The following DGKA variants were observed in gnomAD, a reference collection of about 807,000 sequenced individuals.
DGKA encodes the protein diacylglycerol kinase alpha.
In DGKA, 35 loss-of-function variants were observed where a neutral mutation model predicts 105.0. That is an observed-to-expected ratio of 0.33 (90% CI 0.25 to 0.44). DGKA has a LOEUF of 0.44. Among genes scored for constraint, DGKA ranks in the 20% least tolerant of loss-of-function variants. The pLI, the probability that DGKA is intolerant of heterozygous loss-of-function variation, is 1.00. For missense variants in DGKA, 665 were observed against 915.0 expected (o/e 0.73, Z 3.53); for synonymous variants, 296 against 332.0 (o/e 0.89, Z 1.18).
At chr12:55,927,926 G>T, upstream of DGKA, 2 of 848,656 alleles carry the variant, frequency 2.4e-6, no homozygotes, top group Non-Finnish European at 3.5e-6. Context: ...GGGTCAGAGG[G>T]CAGGGTGAAA....
At chr12:55,927,856 G>A (rs568414175), upstream of DGKA, 11 of 1,462,608 alleles carry the variant, frequency 7.5e-6, no homozygotes, top group East Asian at 5.0e-5. Flanking sequence ...AGTGATGAGG[G>A]CCCTAGTTGC....
At chr12:55,927,572 C>T, upstream of DGKA, 1 of 1,001,490 alleles carries the variant, frequency 1.0e-6, no homozygotes, top group East Asian at 2.6e-5. Context: ...CACTGGGGCG[C>T]ACAAGTGTTT....
chr12:55,938,205 C>G, intron 5 of DGKA, 153 bp downstream of exon 5: 1 of 741,548 alleles, frequency 1.3e-6, no homozygotes, highest in Non-Finnish European at 2.3e-6. Context: ...TGTGTTCTCC[C>G]AGACTATTTA....
At chr12:55,944,520 AG>A (rs527485781) in intron 17 of DGKA, among the ~76,000 whole-genome samples, 9 of 152,176 alleles carry the variant, frequency 5.9e-5, no homozygotes, top group Non-Finnish European at 1.3e-4. Context: ...AGGTTCGAAG[AG>A]GGGGGATTGA....
In DGKA at chr12:55,942,013, G is replaced by A. The variant is rs1289083015; in HGVS notation, c.1266G>A (p.Lys422=). The A allele has an allele frequency of 1.2e-6, 2 of 1,614,032 alleles. No homozygotes were observed. Among genetic ancestry groups the A allele is most frequent in the Non-Finnish European group, 1.7e-6 (2 of 1,180,034 alleles). The change falls in exon 16 of 24, where the codon AAG becomes AAA. Residue 422 remains lysine (K), a synonymous_variant. Transcript: ENST00000331886. ...TTTGTCTCAGGCTCCGATTATTCAA[G>A]GATGTTCCTGATAGCCGGATTTTGG... ...DGPEIGLRLF[K]DVPDSRILVC... is the part of the protein sequence containing the mutation.
Position 55,952,235 on chromosome 12 carries a change from TG to T in DGKA, c.1653-103del. 6.7e-7 allele frequency: 1 copy of T among 1,495,476 alleles called. No homozygotes were observed. Among genetic ancestry groups the T allele is most frequent in the Non-Finnish European group, 9.3e-7 (1 of 1,073,482 alleles). The allele number at this position is 1,495,476 out of a possible 1,614,324, so 92.6% of individuals were successfully genotyped here. A position where few individuals can be genotyped will look rare whatever the true frequency, so the allele number is the denominator to read the frequency against. Reference sequence around the variant, plus strand: ...CAACCAAAGCCACCCTTGTTCCCCATGGGACTAAAGTTAGGAGGTTGATGCC... The same window carrying T: ...CAACCAAAGCCACCCTTGTTCCCCATGGACTAAAGTTAGGAGGTTGATGCC... On this transcript the variant is annotated intron_variant, in intron 19 of 23. Transcript: ENST00000331886. This position sits in a 1 kb window ranked among gnomAD's most constrained non-coding sequence, Gnocchi z 5.1.
chr12:55,942,180 C>G lies in DGKA; in HGVS notation c.1343C>G (p.Ala448Gly), dbSNP rs780519928. 1 of 1,614,200 alleles carries G rather than the reference C, an allele frequency of 6.2e-7. No homozygotes were observed. Reference protein sequence around the residue: ...VGWILETIDKANLPVLPPVAV... With the variant: ...VGWILETIDKGNLPVLPPVAV... Reference sequence around the variant, plus strand: ...TCTTCACCTGCCTCCGCAGACAAAGCTAACTTGCCAGTTTTGCCTCCTGTT... The same window carrying G: ...TCTTCACCTGCCTCCGCAGACAAAGGTAACTTGCCAGTTTTGCCTCCTGTT... Residue 448 changes from alanine (A) to glycine (G), a missense_variant, in exon 17 of 24, where the codon GCT becomes GGT. Coordinates refer to ENST00000331886, the MANE Select transcript of DGKA (RefSeq NM_001345.5).
chr12:55,948,693 G>A lies in DGKA; in HGVS notation c.1427-2930G>A, dbSNP rs566471882. Among the ~76,000 whole-genome samples the A allele has an allele frequency of 4.6e-5, 7 of 150,632 alleles. No homozygotes were observed. The East Asian group carries it at 1.2e-3, about 25-fold the overall frequency. On this transcript the variant is annotated intron_variant, in intron 17 of 23. Transcript: ENST00000331886. Reference sequence around the variant, plus strand: ...CAGTGAGCCAGTGCACTCCAGCTTGGGCAAGAGAGCAAGATCCTGTCTCAA... The same window carrying A: ...CAGTGAGCCAGTGCACTCCAGCTTGAGCAAGAGAGCAAGATCCTGTCTCAA...
At chr12:55,927,843 C>T, upstream of DGKA, 1 of 1,501,418 alleles carries the variant, frequency 6.7e-7, no homozygotes, top group Non-Finnish European at 8.9e-7. Flanking sequence ...GATTCGGCGG[C>T]GAAGTGATGA....
At chr12:55,938,636 A>G (rs753045610) in intron 6 of DGKA, 76 bp downstream of exon 6, 530 of 1,610,178 alleles carry the variant, frequency 3.3e-4, no homozygotes, top group Admixed American at 5.3e-4. Context: ...CAACTCTTCC[A>G]GGGTCTTAAG....
chr12:55,929,307 G>A (rs1883263280), upstream of DGKA: 1 of 152,200 alleles, frequency 6.6e-6, no homozygotes, highest in Non-Finnish European at 1.5e-5. Flanking sequence ...TGAGAGTGTG[G>A]GATGAAGCCT....
intron 1 of DGKA, 35 bp from the exon 2 acceptor site, chr12:55,936,388 C>T (rs1332538332): frequency 6.8e-7 from 1 of 1,476,096 alleles, no homozygotes; most frequent in South Asian, 1.4e-5. Context: ...AGACAGCTGG[C>T]TCTTCCCACT....
rs1396426588 is a variant in DGKA, at chr12:55,937,110, T to C, written c.138+20T>C. 3 of 1,613,190 alleles carry C rather than the reference T, an allele frequency of 1.9e-6. No individual in the cohort carries two copies. Among genetic ancestry groups the C allele is most frequent in the East Asian group, 2.2e-5 (1 of 44,866 alleles). ...GGAGATGTGAGTGGCAGCTGGGAAA[T>C]CTTCTTCTTGATCAACTCTTCCCAT... On this transcript the variant is annotated intron_variant, in intron 3 of 23. Transcript: ENST00000331886.
chr12:55,940,363 A>C lies in DGKA; in HGVS notation c.848A>C (p.Asp283Ala), dbSNP rs543988861. ...GGAGGCTGTGAGTCCGGGCGCTGCG[A>C]CCGCTGTCAGAAAAAGATCCGGATC... Reference protein sequence around the residue: ...VRGGCESGRCDRCQKKIRIYH... With the variant: ...VRGGCESGRCARCQKKIRIYH... Residue 283 changes from aspartate to alanine, a missense_variant, in exon 11 of 24, where the codon GAC (aspartate) becomes GCC (alanine). Asp to Ala is a moderately radical substitution (Grantham distance 126). Transcript: ENST00000331886. This position sits in a 1 kb window ranked among gnomAD's most constrained non-coding sequence, Gnocchi z 4.3. The C allele has an allele frequency of 6.2e-7, 1 of 1,614,058 alleles. No individual in the cohort carries two copies. Among genetic ancestry groups the C allele is most frequent in the Admixed American group, 1.7e-5 (1 of 60,018 alleles).
chr12:55,953,140 G>A lies in DGKA; in HGVS notation c.2043G>A (p.Lys681=). Residue 681 remains lysine (K), a synonymous_variant, in exon 22 of 24, where the codon AAG becomes AAA. Transcript: ENST00000331886. The stretch of plus-strand genomic sequence containing the variant: ...AGAATGCTGGACGTCGGCTGGCCAA[G>A]TGCTCTGAGATCACCTTCCAGTAAG... ...KLKNAGRRLA[K]CSEITFHTTK... The A allele has an allele frequency of 6.2e-7, 1 of 1,614,118 alleles. No homozygotes were observed.
At chr12:55,937,365 T>C in intron 3 of DGKA, 43 bp from the exon 4 acceptor site, 1 of 1,602,932 alleles carries the variant, frequency 6.2e-7, no homozygotes, top group Non-Finnish European at 8.5e-7. Context: ...GCCCCAGCTC[T>C]GACCTTGCAG....
At chr12:55,928,564 G>A (rs1216759481), upstream of DGKA, among the ~76,000 whole-genome samples, 4 of 149,354 alleles carry the variant, frequency 2.7e-5, no homozygotes, top group South Asian at 8.5e-4. Flanking sequence ...TGTAATCTCA[G>A]CTACTCGGGA....
At position 55,932,851 on chromosome 12, in the gene DGKA, C is replaced by T. The variant is rs1883925305; in HGVS notation, c.-82+1507C>T. ...CTTGAGGGCTACCTACTAGCAGCAA[C>T]GGTCAGGGAGAGGAGGAGGATACAG... On this transcript the variant is annotated intron_variant, in intron 1 of 23. Coordinates refer to ENST00000331886, the MANE Select transcript of DGKA (RefSeq NM_001345.5). This position sits in a 1 kb window ranked among gnomAD's most constrained non-coding sequence, Gnocchi z 4.3. The T allele has an allele frequency of 3.3e-5, 16 of 482,954 alleles. No individual in the cohort carries two copies. The highest frequency in any genetic ancestry group is 1.7e-4 in the Admixed American group (5 of 28,954). The allele number at this position is 482,954 out of a possible 1,614,324, so 29.9% of individuals were successfully genotyped here.
At chr12:55,937,598 T>G in intron 4 of DGKA, 55 bp downstream of exon 4, 1 of 1,588,096 alleles carries the variant, frequency 6.3e-7, no homozygotes, top group South Asian at 1.1e-5. Flanking sequence ...ATCAAACTAG[T>G]ATGGATTTGG....
Sources: allele counts gnomAD v4.1 joint callset (sites outside exome capture counted in the v4.1 genomes callset), GRCh38; gene constraint gnomAD v4.1.1; non-coding constraint Gnocchi (gnomAD v3.1); transcripts MANE v1.5; gene names NCBI Gene and HGNC (gene_info 2026-07-23, HGNC 2026-07-21).